ZNF146: variants seen among roughly 807,000 people sequenced by gnomAD.
The protein encoded by ZNF146 is zinc finger protein 146.
ZNF146 carries 9 observed loss-of-function variants against 22.2 expected under a neutral mutation model. That is an observed-to-expected ratio of 0.41 (90% CI 0.24 to 0.71). The LOEUF is 0.71. Ranked by LOEUF, ZNF146 falls within the 30% of genes least tolerant of loss-of-function variation. The pLI is 0.34. For missense variants in ZNF146, 194 were observed against 344.8 expected (o/e 0.56, Z 3.46); for synonymous variants, 108 against 119.2 (o/e 0.91, Z 0.61).
At chr19:36,223,080 T>C (rs1337816381) in intron 2 of ZNF146, among the ~76,000 whole-genome samples, 1 of 151,972 alleles carries the variant, frequency 6.6e-6, no homozygotes, top group Non-Finnish European at 1.5e-5. Flanking sequence ...TAGCGGGGAC[T>C]ACAGGCAGTG....
At chr19:36,219,985 G>A (rs977948709) in intron 2 of ZNF146, among the ~76,000 whole-genome samples, 2 of 151,818 alleles carry the variant, frequency 1.3e-5, no homozygotes, top group African/African-American at 4.8e-5. Flanking sequence ...TATATTTAGC[G>A]TGTTCTAGAA....
intron 2 of ZNF146, among the ~76,000 whole-genome samples, chr19:36,220,388 G>A (rs546583202): frequency 2.8e-5 from 4 of 144,530 alleles, no homozygotes; most frequent in South Asian, 2.2e-4. Flanking sequence ...TTTTTGAGAC[G>A]GAGTCTTGCT....
In ZNF146 at chr19:36,236,894, G is replaced by A. The variant is rs1977663376; in HGVS notation, c.454G>A (p.Gly152Arg). 1.2e-6 allele frequency: 2 copies of A among 1,613,916 alleles called. No homozygotes were observed. The highest frequency in any genetic ancestry group is 1.7e-6 in the Non-Finnish European group (2 of 1,180,014). ...NLTEHEKIHI[G>R]EKPFKCSECG... ...TACTGAGCATGAGAAAATCCATATT[G>A]GAGAGAAGCCTTTTAAATGTAGTGA... Residue 152 changes from glycine to arginine, a missense_variant, in exon 4 of 4, where the codon GGA becomes AGA. By Grantham distance (125) the Gly-to-Arg change is moderately radical. Around this residue, in one of 2 missense-constraint regions of ZNF146, gnomAD observed 147 missense variants for 300.1 expected, o/e 0.49. Coordinates refer to ENST00000443387, the MANE Select transcript of ZNF146 (RefSeq NM_007145.3).
At chr19:36,227,958 C>A (rs566915447) in intron 2 of ZNF146, among the ~76,000 whole-genome samples, 1 of 151,980 alleles carries the variant, frequency 6.6e-6, no homozygotes, top group Non-Finnish European at 1.5e-5. Context: ...GTCAGGAGTT[C>A]GAGACCAGCC....
intron 2 of ZNF146, among the ~76,000 whole-genome samples, chr19:36,225,311 CA>C (rs1055106753): frequency 1.4e-4 from 22 of 152,166 alleles, no homozygotes; most frequent in Non-Finnish European, 3.1e-4. Flanking sequence ...AACAAAAAAT[CA>C]AATGGGACAA....
intron 3 of ZNF146, among the ~76,000 whole-genome samples, chr19:36,234,559 G>A (rs1370720989): frequency 6.6e-6 from 1 of 152,124 alleles, no homozygotes; most frequent in African/African-American, 2.4e-5. Flanking sequence ...CACCACGCCC[G>A]GCTAATTTTT....
intron 2 of ZNF146, among the ~76,000 whole-genome samples, chr19:36,227,882 A>T (rs1977144033): frequency 6.6e-6 from 1 of 152,108 alleles, no homozygotes; most frequent in Admixed American, 6.6e-5. Context: ...GAAATAGGAC[A>T]CGGCACGGTG....
chr19:36,230,037 G>T (rs985445947), intron 3 of ZNF146, among the ~76,000 whole-genome samples: 5 of 152,158 alleles, frequency 3.3e-5, no homozygotes, highest in African/African-American at 1.2e-4. Context: ...AATTTAACCT[G>T]TCTCCTACTA....
chr19:36,233,862 A>G (rs1977513683), intron 3 of ZNF146, among the ~76,000 whole-genome samples: 1 of 152,114 alleles, frequency 6.6e-6, no homozygotes, highest in South Asian at 2.1e-4. Context: ...TCTTATCTCA[A>G]CTGCAAAGAG....
At chr19:36,230,879 G>A (rs2918375) in intron 3 of ZNF146, among the ~76,000 whole-genome samples, 52,942 of 151,852 alleles carry the variant, frequency 0.35, 9,654 homozygotes, top group Middle Eastern at 0.48. Flanking sequence ...TCGGCTCACT[G>A]CAACCTCCAC....
rs181826440 is a variant in ZNF146, at chr19:36,238,472, C to G, written c.*1153C>G. On this transcript the variant is annotated 3_prime_UTR_variant, in exon 4 of 4. Coordinates refer to ENST00000443387, the MANE Select transcript of ZNF146 (RefSeq NM_007145.3). ...TTTATATAAACATCCACTTCTCTTT[C>G]AAAAGACTTCAAGTAAATATAAGAA... The G allele has an allele frequency of 6.0e-6, 1 of 167,076 alleles. No homozygotes were observed. Among genetic ancestry groups the G allele is most frequent in the African/African-American group, 2.4e-5 (1 of 41,518 alleles). 10.3% of individuals were successfully genotyped at this position (167,076 alleles called of 1,614,324 possible).
chr19:36,226,868 C>T (rs1487317012), intron 2 of ZNF146, among the ~76,000 whole-genome samples: 2 of 152,078 alleles, frequency 1.3e-5, no homozygotes, highest in Admixed American at 6.6e-5. Flanking sequence ...GGTGGATCAC[C>T]TGTGGTCGGG....
At chr19:36,226,770 A>G (rs1022485519) in intron 2 of ZNF146, among the ~76,000 whole-genome samples, 5 of 152,304 alleles carry the variant, frequency 3.3e-5, no homozygotes, top group East Asian at 3.9e-4. Context: ...AGTCATCCCA[A>G]TAATGTCTGC....
intron 2 of ZNF146, among the ~76,000 whole-genome samples, chr19:36,222,403 G>A (rs1976885858): frequency 6.6e-6 from 1 of 151,936 alleles, no homozygotes. Flanking sequence ...TTTTTTATGT[G>A]CGCCATTTTA....
At chr19:36,229,469 C>G (rs6510530) in intron 3 of ZNF146, among the ~76,000 whole-genome samples, 1 of 152,076 alleles carries the variant, frequency 6.6e-6, no homozygotes, top group African/African-American at 2.4e-5. Flanking sequence ...CTCAGACTCC[C>G]GAAAAAATCT....
chr19:36,234,046 TTG>T (rs1977527784), intron 3 of ZNF146, among the ~76,000 whole-genome samples: 1 of 152,158 alleles, frequency 6.6e-6, no homozygotes, highest in Non-Finnish European at 1.5e-5. Flanking sequence ...CTGTAGTGTG[TTG>T]TGTCTCTGGG....
At chr19:36,220,427 C>T (rs755820008) in intron 2 of ZNF146, among the ~76,000 whole-genome samples, 13 of 151,388 alleles carry the variant, frequency 8.6e-5, no homozygotes. Flanking sequence ...TGCAGTGGCA[C>T]GATCTCAGCT....
chr19:36,221,784 TTTTGTTC>T (rs1568429860), intron 2 of ZNF146, among the ~76,000 whole-genome samples: 1 of 152,050 alleles, frequency 6.6e-6, no homozygotes, highest in East Asian at 1.9e-4. Context: ...GTTTTTTGTT[TTTTGTTC>T]TGTCACTATT....
At chr19:36,225,421 A>G (rs1299172119) in intron 2 of ZNF146, among the ~76,000 whole-genome samples, 1 of 151,974 alleles carries the variant, frequency 6.6e-6, no homozygotes, top group Non-Finnish European at 1.5e-5. Context: ...TTTGTGGTCT[A>G]TTTATAGCTT....
Sources: gnomAD v4.1 joint callset for allele counts (sites outside exome capture counted in the v4.1 genomes callset) on GRCh38, gnomAD v4.1.1 for gene constraint, gnomAD v4.1.1 regional missense constraint, MANE v1.5 for transcripts, NCBI Gene and HGNC (gene_info 2026-07-23, HGNC 2026-07-21) for gene names.